C4orf50: variants seen among roughly 807,000 people sequenced by gnomAD.
C4orf50 encodes the protein chromosome 4 open reading frame 50, also known as uncharacterized protein C4orf50.
C4orf50 carries 80 observed loss-of-function variants against 77.2 expected under a neutral mutation model. That is an observed-to-expected ratio of 1.04 (90% CI 0.87 to 1.25). The LOEUF (loss-of-function observed/expected upper bound fraction) is 1.25, where lower values mean the gene tolerates loss of function less well. C4orf50 is among the 50% of genes most tolerant of loss of function. The probability of loss-of-function intolerance (pLI) is 0.00; values close to 1 mark genes in which losing one functional copy is unlikely to be tolerated. For synonymous variants in C4orf50, 532 were observed against 465.3 expected, an observed-to-expected ratio of 1.14 and a Z score of -1.84; for missense variants, 1,257 against 1,152.9, an observed-to-expected ratio of 1.09 and a Z score of -1.31.
intron 7 of C4orf50, among the ~76,000 whole-genome samples, chr4:5,929,705 C>T (rs1467442582): frequency 2.6e-5 from 4 of 152,232 alleles, no homozygotes; most frequent in African/African-American, 9.6e-5. Context: ...CTGCCCAGCG[C>T]TCTGTGAGCG....
intron 23 of C4orf50, among the ~76,000 whole-genome samples, chr4:6,012,891 G>A (rs916203353): frequency 4.6e-5 from 7 of 152,162 alleles, no homozygotes; most frequent in Admixed American, 2.6e-4. Flanking sequence ...CATGATACAC[G>A]TGAAGGTGCA....
intron 7 of C4orf50, among the ~76,000 whole-genome samples, chr4:5,921,497 A>G (rs1438561444): frequency 6.6e-6 from 1 of 152,176 alleles, no homozygotes; most frequent in Non-Finnish European, 1.5e-5. Flanking sequence ...AGATAAAGTA[A>G]CAGAATGCAA....
At chr4:5,959,778 G>A in intron 33 of C4orf50, 152 bp from the exon 12 acceptor site, 2 of 892,796 alleles carry the variant, frequency 2.2e-6, no homozygotes, top group South Asian at 3.6e-5. Flanking sequence ...CTCACACATT[G>A]GCTCACTTCC....
chr4:5,918,847 C>T (rs1334419320), intron 7 of C4orf50, among the ~76,000 whole-genome samples: 2 of 152,190 alleles, frequency 1.3e-5, no homozygotes, highest in African/African-American at 2.4e-5. Context: ...AGTGTCCCTC[C>T]CTGGACCATT....
chr4:5,984,282 A>G (rs973055159), intron 28 of C4orf50, among the ~76,000 whole-genome samples: 3 of 152,266 alleles, frequency 2.0e-5, no homozygotes, highest in African/African-American at 7.2e-5. Context: ...GTCCAACATA[A>G]AAGTTTTTGA....
At chr4:5,943,527 T>C (rs1718352075) in intron 7 of C4orf50, among the ~76,000 whole-genome samples, 2 of 152,186 alleles carry the variant, frequency 1.3e-5, no homozygotes, top group Non-Finnish European at 2.9e-5. Context: ...CTTGGGAAGA[T>C]TCCCAGACCT....
At chr4:5,988,729 T>C (rs752780446) in exon 28 of C4orf50, 2 of 1,536,018 alleles carry the variant, frequency 1.3e-6, no homozygotes, top group East Asian at 2.4e-5. Flanking sequence ...CGTGCTCCTC[T>C]GCAAGGTGAC....
In C4orf50 at chr4:5,939,964, G is replaced by A. The variant is rs140632745; in HGVS notation, c.*2474+16937C>T. 5.3e-3 allele frequency among the ~76,000 whole-genome samples: 810 copies of A among 152,292 alleles called. 10 individuals carry two copies. The highest frequency in any genetic ancestry group is 0.018 in the African/African-American group (763 of 41,560). On this transcript the variant is annotated intron_variant, in intron 7 of 7. Transcript: ENST00000324058. ...TCTGCCCCACTTTTTGATGTCAGAC[G>A]GCTGAAAACACCCTCGGATCATGCT...
At chr4:5,904,144 C>G (rs1404430477) in intron 7 of C4orf50, 1 of 152,238 alleles carries the variant, frequency 6.6e-6, no homozygotes, top group Non-Finnish European at 1.5e-5. Context: ...CTGACGTTTC[C>G]CCGCTCAACA....
At chr4:6,003,635 G>A (rs1277881078) in intron 25 of C4orf50, among the ~76,000 whole-genome samples, 5 of 142,332 alleles carry the variant, frequency 3.5e-5, no homozygotes, top group African/African-American at 1.3e-4. Flanking sequence ...TGATGACGGT[G>A]ATGATGTGAT....
intron 33 of C4orf50, among the ~76,000 whole-genome samples, chr4:5,964,159 C>A (rs1014223557): frequency 6.6e-6 from 1 of 152,112 alleles, no homozygotes; most frequent in Non-Finnish European, 1.5e-5. Context: ...TATTTTCCCT[C>A]GAGGTGAAGG....
intron 31 of C4orf50, among the ~76,000 whole-genome samples, chr4:5,972,829 G>A (rs1720010377): frequency 6.6e-6 from 1 of 152,200 alleles, no homozygotes; most frequent in Non-Finnish European, 1.5e-5. Flanking sequence ...CCAGGAACGG[G>A]GCTGCATGTA....
intron 23 of C4orf50, among the ~76,000 whole-genome samples, chr4:6,013,255 A>T (rs1380159656): frequency 1.3e-5 from 2 of 152,290 alleles, no homozygotes; most frequent in East Asian, 3.9e-4. Flanking sequence ...TCTCGTGAGG[A>T]TCATAACCAA....
At chr4:5,982,664 C>A (rs1720656271) in intron 28 of C4orf50, among the ~76,000 whole-genome samples, 1 of 152,130 alleles carries the variant, frequency 6.6e-6, no homozygotes, top group East Asian at 1.9e-4. Flanking sequence ...AATATTCCCA[C>A]CATGACTGAC....
At chr4:6,004,877 G>A (rs1722186538) in intron 25 of C4orf50, among the ~76,000 whole-genome samples, 1 of 140,434 alleles carries the variant, frequency 7.1e-6, no homozygotes, top group Non-Finnish European at 1.6e-5. Flanking sequence ...GACAGTGAAA[G>A]AAGCTAGATT....
At chr4:6,013,035 AG>A (rs1337141336) in intron 23 of C4orf50, among the ~76,000 whole-genome samples, 1 of 152,242 alleles carries the variant, frequency 6.6e-6, no homozygotes, top group Non-Finnish European at 1.5e-5. Context: ...GCCATTCACC[AG>A]CCATGGGGTC....
At chr4:5,969,186 C>T (rs1719758395) in intron 31 of C4orf50, among the ~76,000 whole-genome samples, 1 of 152,088 alleles carries the variant, frequency 6.6e-6, no homozygotes, top group South Asian at 2.1e-4. Flanking sequence ...GCTACACTCT[C>T]CCGAGCCCTG....
rs2108780548 is a variant in C4orf50, at chr4:5,979,867, T to C, written c.3864+307A>G. 1.3e-5 allele frequency among the ~76,000 whole-genome samples: 2 copies of C among 152,380 alleles called. 1 individual carries two copies. Among genetic ancestry groups the C allele is most frequent in the East Asian group, 3.9e-4 (2 of 5,194 alleles). On this transcript the variant is annotated intron_variant, in intron 29 of 33. Transcript: ENST00000531445. ...GGTTTGCACCTGCACCACTGTATCA[T>C]AGTCACGCCTACTTCCCTCTGACAG...
At chr4:5,993,283 G>A (rs1295593121) in intron 26 of C4orf50, among the ~76,000 whole-genome samples, 7 of 152,230 alleles carry the variant, frequency 4.6e-5, no homozygotes, top group African/African-American at 1.4e-4. Flanking sequence ...CAGCTGGCAT[G>A]AGGACACATC....
Sources: allele counts gnomAD v4.1 joint callset (sites outside exome capture counted in the v4.1 genomes callset), GRCh38; gene constraint gnomAD v4.1.1; transcripts MANE v1.5; gene names NCBI Gene and HGNC (gene_info 2026-07-23, HGNC 2026-07-21).